Variants in DENND5A observed in about 807,000 individuals in gnomAD.
The protein encoded by DENND5A is DENN domain containing 5A.
In DENND5A, 64 loss-of-function variants were observed where a neutral mutation model predicts 140.3. The ratio of observed to expected loss-of-function variants is 0.46; its 90% CI spans 0.37 to 0.56. The LOEUF is 0.56. Ranked by LOEUF, DENND5A falls within the 20% of genes least tolerant of loss-of-function variation. The pLI is 0.00. For missense variants in DENND5A, 1,292 were observed against 1,593.8 expected (o/e 0.81, Z 3.22); for synonymous variants, 605 against 607.7 (o/e 1.00, Z 0.07).
chr11:9,177,718 A>AT (rs1310413480), intron 8 of DENND5A, among the ~76,000 whole-genome samples: 2 of 73,042 alleles, frequency 2.7e-5, no homozygotes, highest in East Asian at 2.7e-3. Flanking sequence ...CATTGACATC[A>AT]TTTAAAAAAA....
At chr11:9,251,835 A>G (rs1186233571) in intron 1 of DENND5A, among the ~76,000 whole-genome samples, 1 of 150,820 alleles carries the variant, frequency 6.6e-6, no homozygotes, top group African/African-American at 2.4e-5. Flanking sequence ...TAAAAATACA[A>G]AAAATTAGAC....
chr11:9,247,665 TG>T (rs1851537226), intron 1 of DENND5A, among the ~76,000 whole-genome samples: 1 of 152,160 alleles, frequency 6.6e-6, no homozygotes, highest in African/African-American at 2.4e-5. Flanking sequence ...GTGCCTGAGA[TG>T]CTCATGTTAC....
chr11:9,199,554 C>T (rs905714205), intron 4 of DENND5A, among the ~76,000 whole-genome samples: 2 of 152,084 alleles, frequency 1.3e-5, no homozygotes, highest in African/African-American at 4.8e-5. Flanking sequence ...ATTAAAAAAA[C>T]ACTAATTCTA....
chr11:9,244,652 A>G (rs923613308), intron 1 of DENND5A, among the ~76,000 whole-genome samples: 28 of 152,176 alleles, frequency 1.8e-4, no homozygotes, highest in African/African-American at 6.5e-4. Context: ...TACAGGCATT[A>G]GCCACCACGC....
intron 12 of DENND5A, among the ~76,000 whole-genome samples, chr11:9,159,707 A>G (rs74929858): frequency 1.0e-3 from 158 of 152,352 alleles, no homozygotes; most frequent in Non-Finnish European, 2.0e-3. Flanking sequence ...GCTAGGTCAT[A>G]TAAGAACTGT....
In DENND5A at chr11:9,174,359, T is replaced by C. The variant is rs796930458; in HGVS notation, c.1907-3582A>G. Among the ~76,000 whole-genome samples the C allele has an allele frequency of 1.1e-4, 16 of 151,770 alleles. 1 individual carries two copies. Among genetic ancestry groups the C allele is most frequent in the African/African-American group, 3.9e-4 (16 of 41,448 alleles). ...CCAATTACATGCTGCCTACAATAAATACCCTTTAAATATAAAGACACAAAT... is the reference window on the plus strand; with the variant it reads ...CCAATTACATGCTGCCTACAATAAACACCCTTTAAATATAAAGACACAAAT... On this transcript the variant is annotated intron_variant, in intron 8 of 22. Coordinates refer to ENST00000328194, the MANE Select transcript of DENND5A (RefSeq NM_015213.4).
At chr11:9,206,855 T>C (rs1849707697) in intron 2 of DENND5A, 73 bp from the exon 3 acceptor site, 1 of 1,116,258 alleles carries the variant, frequency 9.0e-7, no homozygotes. Context: ...ATGTCTGAGC[T>C]TGGTAGTCCA....
chr11:9,162,952 C>T (rs2136143481), intron 11 of DENND5A, among the ~76,000 whole-genome samples: 1 of 152,076 alleles, frequency 6.6e-6, no homozygotes, highest in South Asian at 2.1e-4. Context: ...AATCCCCCCA[C>T]CTCAGCCTCC....
At position 9,142,786 on chromosome 11, in the gene DENND5A, C is replaced by T. The variant is rs770405614; in HGVS notation, c.3447G>A (p.Gln1149=). 3.7e-6 allele frequency: 6 copies of T among 1,614,084 alleles called. No homozygotes were observed. Among genetic ancestry groups the T allele is most frequent in the Non-Finnish European group, 4.2e-6 (5 of 1,180,042 alleles). The change falls in exon 21 of 23, where the codon CAG becomes CAA. Residue 1149 remains glutamine (Q), a synonymous_variant. Transcript: ENST00000328194. ...GECGLVSALE[Q]AFQHGFKSPR... The stretch of plus-strand genomic sequence containing the variant: ...GCGATTTAAATCCATGCTGGAAAGC[C>T]TGTTCCAAGGCCGAGACAAGGCCAC...
chr11:9,163,321 C>G (rs1168031344), intron 11 of DENND5A, among the ~76,000 whole-genome samples: 1 of 152,180 alleles, frequency 6.6e-6, no homozygotes, highest in African/African-American at 2.4e-5. Flanking sequence ...TTTATACTTT[C>G]AACAGCCTGT....
chr11:9,232,075 C>G (rs1202201558), intron 1 of DENND5A, among the ~76,000 whole-genome samples: 1 of 151,714 alleles, frequency 6.6e-6, no homozygotes, highest in Non-Finnish European at 1.5e-5. Flanking sequence ...GTAGTGTTAA[C>G]AGCAGACTGT....
In DENND5A at chr11:9,204,326, G is replaced by C. The variant is rs751716183; in HGVS notation, c.292-9C>G. ...CCTTTCGGCATACATAGCTGCAAAA[G>C]ACAACAAGGCAACAAGCAGTGAGAA... On this transcript the variant is annotated splice_polypyrimidine_tract_variant and intron_variant, in intron 3 of 22. Coordinates refer to ENST00000328194, the MANE Select transcript of DENND5A (RefSeq NM_015213.4). 6.2e-7 allele frequency: 1 copy of C among 1,604,280 alleles called. No homozygotes were observed. The highest frequency in any genetic ancestry group is 8.5e-7 in the Non-Finnish European group (1 of 1,178,560).
intron 17 of DENND5A, 158 bp from the exon 18 acceptor site, chr11:9,145,271 G>A (rs1047366837): frequency 2.7e-5 from 17 of 631,182 alleles, no homozygotes; most frequent in South Asian, 2.6e-4. Flanking sequence ...CTGCGGTACA[G>A]CACTATCTCA....
rs773544916 is a variant in DENND5A at position 9,204,256 on chromosome 11, T to C, written c.353A>G (p.His118Arg). 6.2e-7 allele frequency: 1 copy of C among 1,614,000 alleles called. No homozygotes were observed. Among genetic ancestry groups the C allele is most frequent in the Non-Finnish European group, 8.5e-7 (1 of 1,180,010 alleles). ...TQADPREPQF[H>R]AFIITREDGS... The stretch of plus-strand genomic sequence containing the variant: ...ATCCTCCCTTGTGATAATAAAGGCA[T>C]GGAATTGGGGCTCCCTGGGATCAGC... Residue 118 changes from histidine to arginine, a missense_variant, in exon 4 of 23, where the codon CAT (histidine) becomes CGT (arginine). Physicochemically the swap from His to Arg is conservative, Grantham distance 29. Transcript: ENST00000328194.
At chr11:9,226,497 TTTTTTG>T (rs1192030046) in intron 1 of DENND5A, among the ~76,000 whole-genome samples, 1 of 152,208 alleles carries the variant, frequency 6.6e-6, no homozygotes, top group Non-Finnish European at 1.5e-5. Flanking sequence ...ATCTTCAAGG[TTTTTTG>T]TTTTTGTTTT....
At chr11:9,213,808 C>CAAAAAAAAAAAAAAA (rs3074627) in intron 1 of DENND5A, among the ~76,000 whole-genome samples, 944 of 68,912 alleles carry the variant, frequency 0.014, 18 homozygotes, top group East Asian at 0.026. Flanking sequence ...CTCCGTCTCC[C>CAAAAAAAAAAAAAAA]AAAAAAAAAA....
At chr11:9,171,080 G>A (rs1848357999) in intron 8 of DENND5A, 2 of 320,858 alleles carry the variant, frequency 6.2e-6, no homozygotes, top group Non-Finnish European at 1.2e-5. Context: ...CTGTGGCACA[G>A]GGAGGGGAGT....
rs1847163764 is a variant in DENND5A at position 9,139,474 on chromosome 11, T to C, written c.*197A>G. 1 of 584,930 alleles carries C rather than the reference T, an allele frequency of 1.7e-6. No homozygotes were observed. The highest frequency in any genetic ancestry group is 3.0e-6 in the Non-Finnish European group (1 of 335,488). The allele number at this position is 584,930 out of a possible 1,614,324, so 36.2% of individuals were successfully genotyped here. A position where few individuals can be genotyped will look rare whatever the true frequency, so the allele number is the denominator to read the frequency against. The stretch of plus-strand genomic sequence containing the variant: ...TCCCTCTCCCTATCACTCTTTCACA[T>C]GAAAGTGTGTAAAAAGCAAATCAGC... On this transcript the variant is annotated 3_prime_UTR_variant, in exon 23 of 23. Coordinates refer to ENST00000328194, the MANE Select transcript of DENND5A (RefSeq NM_015213.4).
intron 3 of DENND5A, among the ~76,000 whole-genome samples, chr11:9,204,605 G>T (rs1849634467): frequency 6.6e-6 from 1 of 152,202 alleles, no homozygotes; most frequent in Non-Finnish European, 1.5e-5. Flanking sequence ...GCTCACACCT[G>T]TAATCCCAGC....
Sources: gnomAD v4.1 joint callset for allele counts (sites outside exome capture counted in the v4.1 genomes callset) on GRCh38, gnomAD v4.1.1 for gene constraint, MANE v1.5 for transcripts, NCBI Gene and HGNC (gene_info 2026-07-23, HGNC 2026-07-21) for gene names.